NDUFS6: variants seen among roughly 807,000 people sequenced by gnomAD.
NDUFS6 encodes the protein NADH:ubiquinone oxidoreductase subunit S6.
Under a neutral mutation model 13.2 loss-of-function variants are expected in NDUFS6, and 14 were observed. The ratio of observed to expected loss-of-function variants is 1.06; its 90% CI spans 0.70 to 1.66. The LOEUF (loss-of-function observed/expected upper bound fraction) is 1.66. Among genes scored for constraint, NDUFS6 ranks in the 40% most tolerant of loss-of-function variants. The pLI is 0.00. For synonymous variants in NDUFS6, 95 were observed against 72.3 expected (o/e 1.31, Z -1.60); for missense variants, 206 against 170.8 (o/e 1.21, Z -1.15).
chr5:1,802,898 T>A (rs1227474071), intron 2 of NDUFS6, among the ~76,000 whole-genome samples: 1 of 147,068 alleles, frequency 6.8e-6, no homozygotes, highest in Non-Finnish European at 1.5e-5. Flanking sequence ...ATTAGAATCC[T>A]TCTGCCTAAA....
chr5:1,811,002 C>G (rs534030323), intron 2 of NDUFS6, among the ~76,000 whole-genome samples: 4 of 152,312 alleles, frequency 2.6e-5, no homozygotes, highest in Non-Finnish European at 5.9e-5. Context: ...CCTCAGCCTG[C>G]TCTACGTGAA....
intron 2 of NDUFS6, among the ~76,000 whole-genome samples, chr5:1,805,496 CT>C (rs1439166561): frequency 1.3e-5 from 2 of 152,194 alleles, no homozygotes; most frequent in East Asian, 3.9e-4. Flanking sequence ...TCCATGGCCC[CT>C]GGGCCTGTGA....
chr5:1,812,735 A>G (rs924146681), intron 2 of NDUFS6, among the ~76,000 whole-genome samples: 7 of 151,520 alleles, frequency 4.6e-5, no homozygotes, highest in Non-Finnish European at 1.0e-4. Context: ...TGAGTTAATC[A>G]TGGTCCTGGG....
At chr5:1,813,454 C>T (rs3756343) in intron 2 of NDUFS6, among the ~76,000 whole-genome samples, 112,054 of 152,114 alleles carry the variant, frequency 0.74, 44,402 homozygotes, top group Non-Finnish European at 0.88. Context: ...AGTGCTTTCT[C>T]CTTTGGATTT....
intron 2 of NDUFS6, among the ~76,000 whole-genome samples, chr5:1,807,065 CCT>C (rs1734135238): frequency 7.2e-6 from 1 of 138,474 alleles, no homozygotes; most frequent in African/African-American, 2.8e-5. Flanking sequence ...CTGCGTGATT[CCT>C]CTAACACGAG....
intron 2 of NDUFS6, among the ~76,000 whole-genome samples, chr5:1,812,449 C>T (rs1189260584): frequency 1.3e-5 from 2 of 148,590 alleles, no homozygotes; most frequent in Non-Finnish European, 3.0e-5. Flanking sequence ...TGTGTTTCCA[C>T]ATTTTGCAGT....
Position 1,814,547 on chromosome 5 carries a change from CCT to C in NDUFS6, c.309+89_309+90del. The stretch of plus-strand genomic sequence containing the variant: ...CACTCCCAGTGCCTGTTCTTTCTGT[CCT>C]CTTCTCTACCTGCTCCCGAGGCGGC... On this transcript the variant is annotated intron_variant, in intron 3 of 3. Coordinates refer to ENST00000274137, the MANE Select transcript of NDUFS6 (RefSeq NM_004553.6). The surrounding 1 kb of genome is among the most constrained non-coding windows in gnomAD (Gnocchi z 4.9). 1 of 1,599,728 alleles carries C rather than the reference CCT, an allele frequency of 6.3e-7. No individual in the cohort carries two copies. Among genetic ancestry groups the C allele is most frequent in the South Asian group, 1.1e-5 (1 of 90,160 alleles).
chr5:1,809,659 G>A (rs1734187838), intron 2 of NDUFS6, among the ~76,000 whole-genome samples: 1 of 152,254 alleles, frequency 6.6e-6, no homozygotes, highest in Admixed American at 6.5e-5. Flanking sequence ...TTTGACTGCC[G>A]TGATCGGGGC....
intron 2 of NDUFS6, among the ~76,000 whole-genome samples, chr5:1,802,916 A>T (rs1456930810): frequency 9.5e-5 from 14 of 147,850 alleles, no homozygotes; most frequent in Admixed American, 2.0e-4. Context: ...AAATCAGCCT[A>T]TTTTTTTTTT....
chr5:1,803,823 G>C (rs1734085308), intron 2 of NDUFS6, among the ~76,000 whole-genome samples: 1 of 152,224 alleles, frequency 6.6e-6, no homozygotes, highest in Non-Finnish European at 1.5e-5. Context: ...GGCTGTCCTG[G>C]GCATTCTTGT....
At chr5:1,812,597 A>G (rs952083618) in intron 2 of NDUFS6, among the ~76,000 whole-genome samples, 13 of 136,654 alleles carry the variant, frequency 9.5e-5, no homozygotes, top group Non-Finnish European at 1.6e-4. Context: ...GAGTGTCTGA[A>G]GTTCATTCTA....
chr5:1,804,971 C>T (rs1342461496), intron 2 of NDUFS6, among the ~76,000 whole-genome samples: 3 of 152,204 alleles, frequency 2.0e-5, no homozygotes, highest in Non-Finnish European at 2.9e-5. Flanking sequence ...GTTCATCCCT[C>T]CCTCTGCCCA....
chr5:1,804,820 A>G (rs1039544841), intron 2 of NDUFS6, among the ~76,000 whole-genome samples: 1 of 152,214 alleles, frequency 6.6e-6, no homozygotes, highest in Non-Finnish European at 1.5e-5. Context: ...GCTGATACTC[A>G]TACATTATTA....
In NDUFS6 at chr5:1,810,945, C is replaced by T. The variant is rs949646344; in HGVS notation, c.187-3394C>T. 2.6e-5 allele frequency among the ~76,000 whole-genome samples: 4 copies of T among 152,166 alleles called. 1 individual carries two copies. Among genetic ancestry groups the T allele is most frequent in the Non-Finnish European group, 2.9e-5 (2 of 68,034 alleles). On this transcript the variant is annotated intron_variant, in intron 2 of 3. Coordinates refer to ENST00000274137, the MANE Select transcript of NDUFS6 (RefSeq NM_004553.6). ...GAGTCCACTTAAGTGGCTTCTCTTT[C>T]GCCTCTGCCACCCCTGAGACAGCAG... is the stretch of plus-strand genomic sequence containing the variant.
chr5:1,806,887 GA>G (rs1289852502), intron 2 of NDUFS6, among the ~76,000 whole-genome samples: 4 of 152,186 alleles, frequency 2.6e-5, no homozygotes, highest in African/African-American at 9.7e-5. Context: ...CTCAAATCTG[GA>G]AGCAGTTTGG....
At position 1,814,405 on chromosome 5, in the gene NDUFS6, A is replaced by T. The variant is rs1734270228; in HGVS notation, c.253A>T (p.Ile85Leu). 1.2e-6 allele frequency: 2 copies of T among 1,613,976 alleles called. No individual in the cohort carries two copies. Among genetic ancestry groups the T allele is most frequent in the East Asian group, 2.2e-5 (1 of 44,890 alleles). ...CGTGAGCGAGGTGGAGACTCGGGTG[A>T]TAGCGTGCGATGGCGGCGGGGGAGC... ...QPVSEVETRV[I>L]ACDGGGGALG... Residue 85 changes from isoleucine to leucine, a missense_variant, in exon 3 of 4, where the codon ATA becomes TTA. Ile to Leu is a conservative substitution (Grantham distance 5). Coordinates refer to ENST00000274137, the MANE Select transcript of NDUFS6 (RefSeq NM_004553.6). This position sits in a 1 kb window ranked among gnomAD's most constrained non-coding sequence, Gnocchi z 4.9.
chr5:1,801,465 G>C lies in NDUFS6; in HGVS notation c.48G>C (p.Glu16Asp), dbSNP rs771612872. Residue 16 changes from glutamate (E) to aspartate (D), a missense_variant, in exon 1 of 4, where the codon GAG (glutamate) becomes GAC (aspartate). By Grantham distance (45) the Glu-to-Asp change is conservative. Coordinates refer to ENST00000274137, the MANE Select transcript of NDUFS6 (RefSeq NM_004553.6). Reference sequence around the variant, plus strand: ...GCCGGCTGCTGAACCGGTGTGGCGAGGCGGCGCGGAGCCTGCCCCTGGGCG... The same window carrying C: ...GCCGGCTGCTGAACCGGTGTGGCGACGCGGCGCGGAGCCTGCCCCTGGGCG... ...TFCRLLNRCG[E>D]AARSLPLGAR... 8 of 1,604,224 alleles carry C rather than the reference G, an allele frequency of 5.0e-6. No individual in the cohort carries two copies. The highest frequency in any genetic ancestry group is 6.8e-6 in the Non-Finnish European group (8 of 1,178,664).
chr5:1,810,481 A>G (rs1046489604), intron 2 of NDUFS6, among the ~76,000 whole-genome samples: 4 of 152,224 alleles, frequency 2.6e-5, no homozygotes, highest in African/African-American at 9.7e-5. Context: ...GGGCTGGCTC[A>G]TTACAGAGTC....
chr5:1,803,872 T>C (rs1459717971), intron 2 of NDUFS6, among the ~76,000 whole-genome samples: 1 of 152,244 alleles, frequency 6.6e-6, no homozygotes, highest in Non-Finnish European at 1.5e-5. Flanking sequence ...TGGAAACCGA[T>C]GGATGTTGAA....
Sources: allele counts gnomAD v4.1 joint callset (sites outside exome capture counted in the v4.1 genomes callset), GRCh38; gene constraint gnomAD v4.1.1; non-coding constraint Gnocchi (gnomAD v3.1); transcripts MANE v1.5; gene names NCBI Gene and HGNC (gene_info 2026-07-23, HGNC 2026-07-21).